The following LNP1 variants were observed in gnomAD, a reference collection of about 807,000 sequenced individuals.
The protein encoded by LNP1 is leukemia NUP98 fusion partner 1.
Under a neutral mutation model 14.5 loss-of-function variants are expected in LNP1, and 12 were observed. The ratio of observed to expected loss-of-function variants is 0.83; its 90% CI spans 0.53 to 1.34. The LOEUF is 1.34. LNP1 is among the 40% of genes most tolerant of loss of function. The probability of loss-of-function intolerance (pLI) is 0.00; values close to 1 mark genes in which losing one functional copy is unlikely to be tolerated. For synonymous variants in LNP1, 75 were observed against 71.4 expected (o/e 1.05, Z -0.26); for missense variants, 198 against 210.9 (o/e 0.94, Z 0.38).
intron 3 of LNP1, among the ~76,000 whole-genome samples, chr3:100,455,249 G>A (rs1707499446): frequency 2.0e-5 from 3 of 152,206 alleles, no homozygotes. Flanking sequence ...AACAGTTTAT[G>A]TTCAATTAAT....
Position 100,417,371 on chromosome 3 carries a change from C to CTTTTTTTTTTTTTTTTTTTTTTTT in LNP1, c.-33-12304_-33-12303insTTTTTTTTTTTTTTTTTTTTTTTT, listed in dbSNP as rs562000656. Among the ~76,000 whole-genome samples the CTTTTTTTTTTTTTTTTTTTTTTTT allele has an allele frequency of 7.7e-5, 5 of 64,628 alleles. 1 individual carries two copies. Among genetic ancestry groups the CTTTTTTTTTTTTTTTTTTTTTTTT allele is most frequent in the Admixed American group, 2.5e-4 (1 of 3,948 alleles). 42.4% of individuals were successfully genotyped at this position (64,628 alleles called of 152,430 possible). A position where few individuals can be genotyped will look rare whatever the true frequency, so the allele number is the denominator to read the frequency against. ...CTTTTTCTTTCTTTCTTTCTTTTTT[C>CTTTTTTTTTTTTTTTTTTTTTTTT]TTTTTTTTTTTTTTTTTTTTTTCGA... On this transcript the variant is annotated intron_variant, in intron 1 of 3. Coordinates refer to ENST00000383693, the MANE Select transcript of LNP1 (RefSeq NM_001085451.2).
chr3:100,417,604 C>T (rs969401859), intron 1 of LNP1, among the ~76,000 whole-genome samples: 5 of 151,916 alleles, frequency 3.3e-5, no homozygotes, highest in African/African-American at 4.8e-5. Context: ...GTCTTGAACT[C>T]GTGACCTCAA....
At chr3:100,428,518 C>T (rs140444032) in intron 1 of LNP1, among the ~76,000 whole-genome samples, 248 of 144,938 alleles carry the variant, frequency 1.7e-3, no homozygotes, top group Non-Finnish European at 3.0e-3. Context: ...GGCAACAGGA[C>T]GAGACTCCAT....
Position 100,429,603 on chromosome 3 carries a change from A to G in LNP1, c.-33-94A>G, listed in dbSNP as rs1707224265. 3.7e-6 allele frequency: 3 copies of G among 807,208 alleles called. No homozygotes were observed. The South Asian group carries it at 5.5e-5, about 15-fold the overall frequency. The allele number at this position is 807,208 out of a possible 1,614,324, so 50.0% of individuals were successfully genotyped here. Reference sequence around the variant, plus strand: ...TTTAAGGATGCCAGTATCGGAGACCATTTTAAAAAGACCAGTTTCATTTTG... The same window carrying G: ...TTTAAGGATGCCAGTATCGGAGACCGTTTTAAAAAGACCAGTTTCATTTTG... On this transcript the variant is annotated intron_variant, in intron 1 of 3. Coordinates refer to ENST00000383693, the MANE Select transcript of LNP1 (RefSeq NM_001085451.2).
At chr3:100,422,201 T>C (rs1379010017) in intron 1 of LNP1, among the ~76,000 whole-genome samples, 10 of 104,856 alleles carry the variant, frequency 9.5e-5, no homozygotes, top group Non-Finnish European at 1.8e-4. Flanking sequence ...TTTTTTTTTT[T>C]GCTATGGAGT....
At chr3:100,437,780 A>G (rs968132167) in intron 2 of LNP1, among the ~76,000 whole-genome samples, 4 of 152,250 alleles carry the variant, frequency 2.6e-5, no homozygotes, top group African/African-American at 7.2e-5. Flanking sequence ...AAATTGGTAC[A>G]TGGCTAAAAG....
At chr3:100,415,857 A>G (rs1009141553) in intron 1 of LNP1, among the ~76,000 whole-genome samples, 1 of 152,200 alleles carries the variant, frequency 6.6e-6, no homozygotes, top group Non-Finnish European at 1.5e-5. Flanking sequence ...TCCAAATCAC[A>G]AATCCTCTTC....
chr3:100,416,847 T>C (rs1307869435), intron 1 of LNP1, among the ~76,000 whole-genome samples: 1 of 151,920 alleles, frequency 6.6e-6, no homozygotes, highest in Non-Finnish European at 1.5e-5. Context: ...AAGCCCCGCA[T>C]GCATTAGGTA....
At chr3:100,426,540 T>C (rs925993848) in intron 1 of LNP1, among the ~76,000 whole-genome samples, 2 of 152,162 alleles carry the variant, frequency 1.3e-5, no homozygotes, top group African/African-American at 4.8e-5. Context: ...CACTCCAAAA[T>C]ATGCACGTTA....
In LNP1 at chr3:100,447,084, C is replaced by T. The variant is rs1038349348; in HGVS notation, c.157-4635C>T. Among the ~76,000 whole-genome samples the T allele has an allele frequency of 7.2e-5, 11 of 152,244 alleles. 1 individual carries two copies. Among genetic ancestry groups the T allele is most frequent in the South Asian group, 2.1e-4 (1 of 4,820 alleles). On this transcript the variant is annotated intron_variant, in intron 2 of 3. Coordinates refer to ENST00000383693, the MANE Select transcript of LNP1 (RefSeq NM_001085451.2). ...GAACTAGAAATACCATTTGACCCAG[C>T]GATCCCATTACTGGGTATATACCTG...
rs1553740895 is a variant in LNP1, at chr3:100,418,059, AT to A, written c.-33-11620del. Among the ~76,000 whole-genome samples, 207 of 115,602 alleles carry A rather than the reference AT, an allele frequency of 1.8e-3. 16 individuals carry two copies. The highest frequency in any genetic ancestry group is 9.4e-3 in the Middle Eastern group (2 of 212). The allele number at this position is 115,602 out of a possible 152,430, so 75.8% of individuals were successfully genotyped here. The stretch of plus-strand genomic sequence containing the variant: ...GTTTTGTTCTTTCATTTCTCATACC[AT>A]TTTTTTTTTTTTTTTTTGAGATGGA... On this transcript the variant is annotated intron_variant, in intron 1 of 3. Coordinates refer to ENST00000383693, the MANE Select transcript of LNP1 (RefSeq NM_001085451.2).
chr3:100,448,135 T>C (rs1707405687), intron 2 of LNP1, among the ~76,000 whole-genome samples: 2 of 152,210 alleles, frequency 1.3e-5, no homozygotes, highest in Non-Finnish European at 2.9e-5. Context: ...TTTAACGTTA[T>C]GGAACCACCA....
chr3:100,408,667 C>G (rs1576224614), intron 1 of LNP1, among the ~76,000 whole-genome samples: 1 of 152,264 alleles, frequency 6.6e-6, no homozygotes, highest in Admixed American at 6.5e-5. Context: ...AGTTACTGGC[C>G]TGAAGTCATG....
At chr3:100,415,720 A>T (rs1291441411) in intron 1 of LNP1, among the ~76,000 whole-genome samples, 3 of 152,220 alleles carry the variant, frequency 2.0e-5, no homozygotes, top group African/African-American at 7.2e-5. Flanking sequence ...TGGAAATTAC[A>T]TAAAAGCTTA....
At chr3:100,433,806 G>A (rs781563984) in intron 2 of LNP1, among the ~76,000 whole-genome samples, 2 of 152,098 alleles carry the variant, frequency 1.3e-5, no homozygotes, top group Admixed American at 6.5e-5. Context: ...TTGCATTTCT[G>A]TAATGATCAG....
chr3:100,439,869 C>A (rs955038440), intron 2 of LNP1, among the ~76,000 whole-genome samples: 1 of 152,132 alleles, frequency 6.6e-6, no homozygotes, highest in Non-Finnish European at 1.5e-5. Flanking sequence ...CTTTACATAT[C>A]TTTAACCATA....
chr3:100,403,467 G>GTT (rs1212779886), intron 1 of LNP1, among the ~76,000 whole-genome samples: 9 of 144,312 alleles, frequency 6.2e-5, no homozygotes, highest in Admixed American at 1.4e-4. Flanking sequence ...GAAGACCTGA[G>GTT]TTTTTTTTTT....
chr3:100,432,266 C>T (rs1277455199), intron 2 of LNP1, among the ~76,000 whole-genome samples: 1 of 151,424 alleles, frequency 6.6e-6, no homozygotes, highest in Non-Finnish European at 1.5e-5. Flanking sequence ...TTCCCCCTTG[C>T]CTACTTTGAA....
chr3:100,453,750 A>C (rs779806213), intron 3 of LNP1, among the ~76,000 whole-genome samples: 49 of 152,208 alleles, frequency 3.2e-4, no homozygotes, highest in Non-Finnish European at 6.0e-4. Flanking sequence ...TGCCTACACT[A>C]TCTCTCCTTT....
Sources: allele counts gnomAD v4.1 joint callset (sites outside exome capture counted in the v4.1 genomes callset), GRCh38; gene constraint gnomAD v4.1.1; transcripts MANE v1.5; gene names NCBI Gene and HGNC (gene_info 2026-07-23, HGNC 2026-07-21).